SLC6A13: variants seen among roughly 807,000 people sequenced by gnomAD.
The protein encoded by SLC6A13 is sodium- and chloride-dependent GABA transporter 2.
Under a neutral mutation model 72.9 loss-of-function variants are expected in SLC6A13, and 69 were observed. That is an observed-to-expected ratio of 0.95 (90% CI 0.78 to 1.16). The LOEUF (loss-of-function observed/expected upper bound fraction) is 1.16, where lower values mean the gene tolerates loss of function less well. Ranked by LOEUF, SLC6A13 falls within the 50% of genes most tolerant of loss-of-function variation. The pLI, the probability that SLC6A13 is intolerant of heterozygous loss-of-function variation, is 0.00. For missense variants in SLC6A13, 735 were observed against 760.5 expected, an observed-to-expected ratio of 0.97 and a Z score of 0.39; for synonymous variants, 303 against 303.0, an observed-to-expected ratio of 1.00 and a Z score of 0.00.
intron 6 of SLC6A13, 87 bp downstream of exon 6, chr12:237,071 G>A: frequency 6.8e-7 from 1 of 1,465,148 alleles, no homozygotes; most frequent in Non-Finnish European, 9.4e-7. Flanking sequence ...TCCTCAACGG[G>A]GCCACAGCTT....
In SLC6A13 at chr12:224,110, A is replaced by C. The variant is rs1941335919; in HGVS notation, c.1193T>G (p.Leu398Arg). The C allele has an allele frequency of 6.2e-7, 1 of 1,614,154 alleles. No homozygotes were observed. Among genetic ancestry groups the C allele is most frequent in the African/African-American group, 1.3e-5 (1 of 75,036 alleles). The change falls in exon 11 of 15, where the codon CTG (leucine) becomes CGG (arginine). Residue 398 changes from leucine to arginine, a missense_variant. Transcript: ENST00000343164. ...GTACATGTCCACCAGCGCTGTCACC[A>C]GGCTTTCTACACACACAAACTGGAT... ...LDSQFVCVESLVTALVDMYPH... is the reference protein window; with the variant it reads ...LDSQFVCVESRVTALVDMYPH...
At chr12:248,114 AT>A (rs1235938753) in intron 2 of SLC6A13, among the ~76,000 whole-genome samples, 1 of 152,186 alleles carries the variant, frequency 6.6e-6, no homozygotes, top group East Asian at 1.9e-4. Context: ...GTTAAACCTA[AT>A]TACATGGATA....
At chr12:221,658 T>TA in intron 13 of SLC6A13, 112 bp from the exon 14 acceptor site, 6 of 711,418 alleles carry the variant, frequency 8.4e-6, no homozygotes, top group Non-Finnish European at 1.4e-5. Context: ...GGATTCCCTC[T>TA]AGCTCTTCTG....
chr12:220,853 C>CG lies in SLC6A13; in HGVS notation c.*94dup. The CG allele has an allele frequency of 6.7e-7, 1 of 1,499,152 alleles. No homozygotes were observed. Among genetic ancestry groups the CG allele is most frequent in the Non-Finnish European group, 9.1e-7 (1 of 1,104,222 alleles). 92.9% of individuals were successfully genotyped at this position (1,499,152 alleles called of 1,614,324 possible). A position where few individuals can be genotyped will look rare whatever the true frequency, so the allele number is the denominator to read the frequency against. On this transcript the variant is annotated 3_prime_UTR_variant, in exon 15 of 15. Transcript: ENST00000343164. ...CCCTCTTGTCTTATCCACTCCAGGT[C>CG]GGGGGCAGGGAAGCACATGGGGCTG...
At position 237,603 on chromosome 12, in the gene SLC6A13, G is replaced by C. The variant is rs58418974; in HGVS notation, c.564-313C>G. Among the ~76,000 whole-genome samples the C allele has an allele frequency of 9.0e-3, 1,377 of 152,184 alleles. 11 individuals carry two copies. Among genetic ancestry groups the C allele is most frequent in the African/African-American group, 0.032 (1,315 of 41,484 alleles). Reference sequence around the variant, plus strand: ...CTTGCCCTGGGTGAATATCAGTACTGGGGGGAGGGGGTGGGTCAGAGTCCA... The same window carrying C: ...CTTGCCCTGGGTGAATATCAGTACTCGGGGGAGGGGGTGGGTCAGAGTCCA... On this transcript the variant is annotated intron_variant, in intron 5 of 14. Transcript: ENST00000343164.
At chr12:257,533 C>A (rs914986408) in intron 2 of SLC6A13, among the ~76,000 whole-genome samples, 1 of 152,132 alleles carries the variant, frequency 6.6e-6, no homozygotes, top group African/African-American at 2.4e-5. Flanking sequence ...GGACTCTCCA[C>A]CAGAATCAGA....
At chr12:227,812 C>T in intron 7 of SLC6A13, 144 bp from the exon 8 acceptor site, 1 of 678,160 alleles carries the variant, frequency 1.5e-6, no homozygotes, top group Non-Finnish European at 2.5e-6. Context: ...CATCCTGCTA[C>T]CTCTGCTCAC....
intron 12 of SLC6A13, 86 bp downstream of exon 12, chr12:223,046 A>T (rs1292661405): frequency 1.5e-5 from 12 of 805,360 alleles, no homozygotes; most frequent in Non-Finnish European, 2.5e-5. Context: ...GTTAAGTGCG[A>T]GCAGTAGATG....
chr12:239,213 C>T (rs1218406835), intron 4 of SLC6A13, among the ~76,000 whole-genome samples: 1 of 102,408 alleles, frequency 9.8e-6, no homozygotes, highest in East Asian at 2.3e-4. Context: ...CTGTTCCCTG[C>T]ACACATGGGT....
intron 9 of SLC6A13, among the ~76,000 whole-genome samples, chr12:225,747 G>A (rs1293326700): frequency 6.6e-6 from 1 of 152,122 alleles, no homozygotes; most frequent in Non-Finnish European, 1.5e-5. Context: ...GGCATCCTGT[G>A]TGGCCCAGGC....
rs2137287333 is a variant in SLC6A13, at chr12:238,027, A to C, written c.479-17T>G. On this transcript the variant is annotated splice_polypyrimidine_tract_variant and intron_variant, in intron 4 of 14. Coordinates refer to ENST00000343164, the MANE Select transcript of SLC6A13 (RefSeq NM_016615.5). ...TACAGTGTTCTACCCATGGGTCACGAGGAGGGAAAAAAGAGAAAAATCATC... is the reference window on the plus strand; with the variant it reads ...TACAGTGTTCTACCCATGGGTCACGCGGAGGGAAAAAAGAGAAAAATCATC... The C allele has an allele frequency of 6.2e-7, 1 of 1,610,752 alleles. No individual in the cohort carries two copies. Among genetic ancestry groups the C allele is most frequent in the Non-Finnish European group, 8.5e-7 (1 of 1,176,956 alleles).
At chr12:224,968 T>C (rs1941380314) in intron 9 of SLC6A13, among the ~76,000 whole-genome samples, 1 of 152,182 alleles carries the variant, frequency 6.6e-6, no homozygotes, top group South Asian at 2.1e-4. Context: ...TTGTACGGAA[T>C]GTAGATGGTA....
At chr12:230,333 C>A (rs908861710) in intron 7 of SLC6A13, among the ~76,000 whole-genome samples, 2 of 152,110 alleles carry the variant, frequency 1.3e-5, no homozygotes, top group Admixed American at 6.6e-5. Context: ...TCAAGTCCAA[C>A]CCCCAGGATT....
intron 7 of SLC6A13, among the ~76,000 whole-genome samples, chr12:233,733 T>C (rs986150734): frequency 3.3e-5 from 5 of 152,184 alleles, no homozygotes; most frequent in African/African-American, 9.6e-5. Flanking sequence ...GTGACACTTA[T>C]GGCCCTTGAG....
At chr12:259,473 C>T in intron 2 of SLC6A13, 2 of 1,271,090 alleles carry the variant, frequency 1.6e-6, no homozygotes, top group Non-Finnish European at 2.0e-6. Context: ...GTCTCTAATC[C>T]TTACAATGAC....
At chr12:237,404 C>G (rs1050909460) in intron 5 of SLC6A13, 114 bp from the exon 6 acceptor site, 6 of 1,156,928 alleles carry the variant, frequency 5.2e-6, no homozygotes, top group Middle Eastern at 2.4e-4. Flanking sequence ...AAAGGCTTCT[C>G]TGCTCTCTTC....
chr12:257,114 C>T (rs181646378), intron 2 of SLC6A13, among the ~76,000 whole-genome samples: 34 of 152,176 alleles, frequency 2.2e-4, no homozygotes, highest in Admixed American at 2.0e-4. Context: ...AGTTTAAGGG[C>T]CCATTCTCTG....
At chr12:242,583 G>C (rs1489419697) in intron 4 of SLC6A13, 31 bp downstream of exon 4, 2 of 1,601,308 alleles carry the variant, frequency 1.2e-6, no homozygotes, top group East Asian at 4.5e-5. Context: ...AGAACGAGAG[G>C]AGGAAGTGGA....
intron 2 of SLC6A13, among the ~76,000 whole-genome samples, chr12:247,740 TTGAC>T (rs948137532): frequency 2.4e-4 from 36 of 152,158 alleles, no homozygotes; most frequent in South Asian, 2.1e-4. Context: ...TAAAAGATAA[TTGAC>T]TGGTTAAACA....
Sources: allele counts gnomAD v4.1 joint callset (sites outside exome capture counted in the v4.1 genomes callset), GRCh38; gene constraint gnomAD v4.1.1; transcripts MANE v1.5; gene names NCBI Gene and HGNC (gene_info 2026-07-23, HGNC 2026-07-21).